Variants in LRRTM4 observed in about 807,000 individuals in gnomAD.
The protein encoded by LRRTM4 is leucine-rich repeat transmembrane neuronal protein 4.
LRRTM4 carries 25 observed loss-of-function variants against 47.6 expected under a neutral mutation model. The ratio of observed to expected loss-of-function variants is 0.53; its 90% CI spans 0.38 to 0.73. The LOEUF (loss-of-function observed/expected upper bound fraction) is 0.73, where lower values mean the gene tolerates loss of function less well. Among genes scored for constraint, LRRTM4 ranks in the 30% least tolerant of loss-of-function variants. The pLI is 0.00. For missense variants in LRRTM4, 638 were observed against 713.4 expected (o/e 0.89, Z 1.20); for synonymous variants, 311 against 269.5 (o/e 1.15, Z -1.51).
At chr2:76,876,299 G>A (rs60447184) in intron 3 of LRRTM4, among the ~76,000 whole-genome samples, 1,843 of 152,088 alleles carry the variant, frequency 0.012, 38 homozygotes, top group African/African-American at 0.042. Flanking sequence ...AAAGTACCAG[G>A]CATAATGCTG....
intron 3 of LRRTM4, among the ~76,000 whole-genome samples, chr2:77,493,986 T>C (rs1221345874): frequency 1.3e-5 from 2 of 152,138 alleles, no homozygotes; most frequent in Non-Finnish European, 2.9e-5. Context: ...ATAGAATTTC[T>C]AGTAGCAAAG....
chr2:76,811,412 A>T (rs1340073769), intron 3 of LRRTM4, among the ~76,000 whole-genome samples: 1 of 152,182 alleles, frequency 6.6e-6, no homozygotes, highest in Admixed American at 6.5e-5. Flanking sequence ...AAGTGTGAGC[A>T]AGGACAAAAC....
At chr2:77,221,327 C>A (rs1461155869) in intron 3 of LRRTM4, among the ~76,000 whole-genome samples, 2 of 152,052 alleles carry the variant, frequency 1.3e-5, no homozygotes, top group Admixed American at 6.6e-5. Context: ...CTAACATCAT[C>A]ATGACAGGAT....
intron 3 of LRRTM4, among the ~76,000 whole-genome samples, chr2:77,250,969 G>A (rs1675585712): frequency 6.6e-6 from 1 of 151,970 alleles, no homozygotes; most frequent in Non-Finnish European, 1.5e-5. Flanking sequence ...TGGGCATGGT[G>A]GTGCATGCCT....
chr2:76,859,970 T>C lies in LRRTM4; in HGVS notation c.1552-111054A>G, dbSNP rs1270192916. On this transcript the variant is annotated intron_variant, in intron 3 of 3. Transcript: ENST00000409884. ...ATTATAGCCCCTAGAATGCATAATA[T>C]GTTGCATCAAAAGTACCATTTCTTT... Among the ~76,000 whole-genome samples the C allele has an allele frequency of 2.0e-5, 3 of 152,152 alleles. No homozygotes were observed. The East Asian group carries it at 5.8e-4, about 29-fold the overall frequency.
At chr2:77,310,219 G>A (rs983431531) in intron 3 of LRRTM4, among the ~76,000 whole-genome samples, 1 of 152,020 alleles carries the variant, frequency 6.6e-6, no homozygotes, top group African/African-American at 2.4e-5. Flanking sequence ...ATACCATAAT[G>A]TTGACAATGG....
intron 3 of LRRTM4, among the ~76,000 whole-genome samples, chr2:77,313,563 C>T (rs1330039111): frequency 6.6e-6 from 1 of 152,140 alleles, no homozygotes; most frequent in African/African-American, 2.4e-5. Flanking sequence ...CCCTACCTTT[C>T]CCTTCATCCC....
At chr2:76,901,295 TG>T (rs1673622722) in intron 3 of LRRTM4, among the ~76,000 whole-genome samples, 1 of 152,154 alleles carries the variant, frequency 6.6e-6, no homozygotes, top group African/African-American at 2.4e-5. Flanking sequence ...AGTGAGAACA[TG>T]CAGTGTTTGG....
chr2:77,205,018 T>C (rs1176209206), intron 3 of LRRTM4, among the ~76,000 whole-genome samples: 1 of 152,180 alleles, frequency 6.6e-6, no homozygotes, highest in Non-Finnish European at 1.5e-5. Flanking sequence ...CAGAATTAAT[T>C]TGAAAGATTT....
intron 3 of LRRTM4, among the ~76,000 whole-genome samples, chr2:76,946,962 G>C (rs1675342318): frequency 6.6e-6 from 1 of 151,872 alleles, no homozygotes; most frequent in South Asian, 2.1e-4. Flanking sequence ...TCCTTTGTTT[G>C]AAAACATTAC....
chr2:76,888,210 G>A (rs911068319), intron 3 of LRRTM4, among the ~76,000 whole-genome samples: 2 of 150,972 alleles, frequency 1.3e-5, no homozygotes, highest in African/African-American at 4.9e-5. Flanking sequence ...TGTATTCTTG[G>A]AATAACAATG....
intron 3 of LRRTM4, among the ~76,000 whole-genome samples, chr2:76,835,692 C>CAAGTT (rs1162216914): frequency 6.6e-6 from 1 of 151,996 alleles, no homozygotes; most frequent in East Asian, 1.9e-4. Context: ...TGACTATTTG[C>CAAGTT]ACATTTATTT....
intron 3 of LRRTM4, among the ~76,000 whole-genome samples, chr2:77,128,743 G>C (rs561234232): frequency 6.6e-6 from 1 of 152,134 alleles, no homozygotes; most frequent in African/African-American, 2.4e-5. Flanking sequence ...GGGTTCAAGC[G>C]ATTCTCCTCC....
chr2:76,982,082 T>G (rs1643084156), intron 3 of LRRTM4, among the ~76,000 whole-genome samples: 1 of 152,032 alleles, frequency 6.6e-6, no homozygotes, highest in Non-Finnish European at 1.5e-5. Flanking sequence ...ATTAAGTTCT[T>G]AACCCTAGGC....
At chr2:76,980,859 A>C (rs1216292524) in intron 3 of LRRTM4, among the ~76,000 whole-genome samples, 1 of 152,076 alleles carries the variant, frequency 6.6e-6, no homozygotes, top group African/African-American at 2.4e-5. Context: ...TCTCTGTTAC[A>C]TTATATTTTA....
chr2:77,099,024 G>A (rs574410902), intron 3 of LRRTM4, among the ~76,000 whole-genome samples: 1 of 151,646 alleles, frequency 6.6e-6, no homozygotes, highest in Non-Finnish European at 1.5e-5. Context: ...ACATTTTGAT[G>A]GTAATTTAAA....
chr2:77,430,683 T>G (rs1283855364), intron 3 of LRRTM4, among the ~76,000 whole-genome samples: 1 of 144,398 alleles, frequency 6.9e-6, no homozygotes, highest in East Asian at 2.0e-4. Context: ...ACCACGCCAT[T>G]GCACTCCAGC....
chr2:76,909,185 T>C (rs1173595581), intron 3 of LRRTM4, among the ~76,000 whole-genome samples: 3 of 152,106 alleles, frequency 2.0e-5, no homozygotes, highest in Non-Finnish European at 1.5e-5. Flanking sequence ...TCAGAAATAA[T>C]GCTGCTTATC....
intron 3 of LRRTM4, among the ~76,000 whole-genome samples, chr2:77,306,507 A>T (rs1677277236): frequency 6.6e-6 from 1 of 152,196 alleles, no homozygotes; most frequent in Admixed American, 6.5e-5. Context: ...ATGTTATGCA[A>T]ATGTGATGCC....
Sources: allele counts gnomAD v4.1 joint callset (sites outside exome capture counted in the v4.1 genomes callset), GRCh38; gene constraint gnomAD v4.1.1; transcripts MANE v1.5; gene names NCBI Gene and HGNC (gene_info 2026-07-23, HGNC 2026-07-21).